SEMA3A: variants seen among roughly 807,000 people sequenced by gnomAD.
SEMA3A encodes semaphorin-3A.
SEMA3A carries 29 observed loss-of-function variants against 97.9 expected under a neutral mutation model. The ratio of observed to expected loss-of-function variants is 0.30; its 90% CI spans 0.22 to 0.40. The LOEUF is 0.40. Ranked by LOEUF, SEMA3A falls within the 10% of genes least tolerant of loss-of-function variation. The pLI, the probability that SEMA3A is intolerant of heterozygous loss-of-function variation, is 1.00. For missense variants in SEMA3A, 763 were observed against 951.3 expected (o/e 0.80, Z 2.60); for synonymous variants, 321 against 323.7 (o/e 0.99, Z 0.09).
intron 7 of SEMA3A, among the ~76,000 whole-genome samples, chr7:84,012,111 T>A (rs1010424664): frequency 6.6e-6 from 1 of 152,116 alleles, no homozygotes; most frequent in Non-Finnish European, 1.5e-5. Flanking sequence ...TGGTCCAAGA[T>A]ATAAAATTTC....
intron 1 of SEMA3A, among the ~76,000 whole-genome samples, chr7:84,430,342 G>C (rs1250959997): frequency 6.6e-6 from 1 of 151,842 alleles, no homozygotes; most frequent in Non-Finnish European, 1.5e-5. Flanking sequence ...ACCAAATATA[G>C]TTAACTAAAT....
chr7:84,434,063 G>T, intron 1 of SEMA3A, among the ~76,000 whole-genome samples: 1 of 152,086 alleles, frequency 6.6e-6, no homozygotes, highest in East Asian at 1.9e-4. Context: ...CTGTGCAGAA[G>T]ATCTTTAGTT....
At chr7:84,091,167 G>GGAAA (rs1165324789) in intron 4 of SEMA3A, among the ~76,000 whole-genome samples, 2,415 of 42,608 alleles carry the variant, frequency 0.057, 181 homozygotes, top group Non-Finnish European at 0.078. Flanking sequence ...AAGGAAGGAA[G>GGAAA]GAAAGAAAGA....
At chr7:83,962,936 G>A (rs1345521992) in intron 16 of SEMA3A, among the ~76,000 whole-genome samples, 1 of 152,066 alleles carries the variant, frequency 6.6e-6, no homozygotes, top group East Asian at 1.9e-4. Flanking sequence ...GATAAACACA[G>A]TAAGAAATAA....
chr7:84,137,541 G>T (rs1796175470), intron 1 of SEMA3A, among the ~76,000 whole-genome samples: 1 of 151,962 alleles, frequency 6.6e-6, no homozygotes, highest in South Asian at 2.1e-4. Flanking sequence ...ACGGGCTGCT[G>T]CCAGAGGCAC....
At position 84,398,702 on chromosome 7, in the gene SEMA3A, G is replaced by A. The variant is rs1288699753; in HGVS notation, c.-245-26802C>T. ...ATGTGCCTGTAGTCTTAGCTACTCA[G>A]GAGGCTGAGGAAGGAGGATCACTAG... On this transcript the variant is annotated intron_variant, in intron 1 of 3. Coordinates refer to the SEMA3A transcript ENST00000424555. Among the ~76,000 whole-genome samples, 6 of 151,980 alleles carry A rather than the reference G, an allele frequency of 3.9e-5. No individual in the cohort carries two copies. In the East Asian group the frequency reaches 9.6e-4, roughly 24 times the overall value.
intron 1 of SEMA3A, among the ~76,000 whole-genome samples, chr7:84,188,720 T>A (rs920562928): frequency 6.6e-6 from 1 of 152,060 alleles, no homozygotes; most frequent in East Asian, 1.9e-4. Flanking sequence ...TTCACTATTT[T>A]GTTTTACATT....
intron 3 of SEMA3A, among the ~76,000 whole-genome samples, chr7:84,117,664 G>C (rs1384104348): frequency 1.3e-5 from 2 of 152,140 alleles, no homozygotes; most frequent in Non-Finnish European, 2.9e-5. Context: ...GATGATCTTT[G>C]GTGGAACAGT....
intron 4 of SEMA3A, among the ~76,000 whole-genome samples, chr7:84,067,358 A>T (rs1391614992): frequency 2.0e-5 from 3 of 152,186 alleles, no homozygotes; most frequent in Non-Finnish European, 2.9e-5. Context: ...GGACATAAGC[A>T]TGGGCAAGGA....
intron 3 of SEMA3A, among the ~76,000 whole-genome samples, chr7:84,239,163 T>G (rs1190211230): frequency 6.6e-6 from 1 of 152,188 alleles, no homozygotes; most frequent in Non-Finnish European, 1.5e-5. Context: ...GTCTGCAAGA[T>G]TTCATGATTG....
intron 1 of SEMA3A, among the ~76,000 whole-genome samples, chr7:84,411,292 A>C (rs942804519): frequency 6.6e-6 from 1 of 152,144 alleles, no homozygotes; most frequent in East Asian, 1.9e-4. Context: ...AAATAACCAC[A>C]TTAAGGGATA....
chr7:84,469,948 A>T (rs1180277377), intron 1 of SEMA3A, among the ~76,000 whole-genome samples: 1 of 151,814 alleles, frequency 6.6e-6, no homozygotes, highest in Non-Finnish European at 1.5e-5. Flanking sequence ...TAAAATATGA[A>T]ATAATGGTTA....
At chr7:84,001,918 C>T (rs758597437) in intron 12 of SEMA3A, 37 bp downstream of exon 12, 93 of 1,441,550 alleles carry the variant, frequency 6.5e-5, no homozygotes, top group Non-Finnish European at 8.7e-5. Flanking sequence ...AGACGTACAA[C>T]TGAACTTGTT....
chr7:83,974,426 A>G (rs921253929), intron 15 of SEMA3A, among the ~76,000 whole-genome samples: 34 of 152,306 alleles, frequency 2.2e-4, no homozygotes, highest in Admixed American at 1.4e-3. Flanking sequence ...GTGTTACAGA[A>G]TATGTTTACC....
At chr7:84,402,910 G>A (rs1281415976) in intron 1 of SEMA3A, among the ~76,000 whole-genome samples, 1 of 152,226 alleles carries the variant, frequency 6.6e-6, no homozygotes, top group East Asian at 1.9e-4. Flanking sequence ...GGCCAGGAAG[G>A]GTAGTGGGGT....
intron 3 of SEMA3A, among the ~76,000 whole-genome samples, chr7:84,233,312 T>C (rs1414005593): frequency 6.6e-6 from 1 of 151,946 alleles, no homozygotes; most frequent in Non-Finnish European, 1.5e-5. Flanking sequence ...CCAATTCCCC[T>C]CTTTAATAGT....
intron 2 of SEMA3A, among the ~76,000 whole-genome samples, chr7:84,331,899 C>A (rs1801919117): frequency 6.6e-6 from 1 of 152,144 alleles, no homozygotes; most frequent in African/African-American, 2.4e-5. Context: ...CCTGTTCAAC[C>A]CCACTGGCAA....
chr7:84,118,456 G>A (rs1795500163), intron 3 of SEMA3A, among the ~76,000 whole-genome samples: 1 of 152,120 alleles, frequency 6.6e-6, no homozygotes, highest in South Asian at 2.1e-4. Context: ...TGAGATTTGG[G>A]AGGTATAAAT....
At chr7:84,001,027 A>T (rs1790422090) in intron 12 of SEMA3A, among the ~76,000 whole-genome samples, 1 of 151,320 alleles carries the variant, frequency 6.6e-6, no homozygotes, top group Non-Finnish European at 1.5e-5. Flanking sequence ...ACTAGATGCA[A>T]TATTTTCTCA....
Sources: gnomAD v4.1 joint callset for allele counts (sites outside exome capture counted in the v4.1 genomes callset) on GRCh38, gnomAD v4.1.1 for gene constraint, MANE v1.5 for transcripts, NCBI Gene and HGNC (gene_info 2026-07-23, HGNC 2026-07-21) for gene names.